Variants in POU6F2 observed in about 807,000 individuals in gnomAD.
POU6F2 encodes POU class 6 homeobox 2.
A neutral mutation model predicts 71.3 loss-of-function variants in POU6F2; 31 were observed. The ratio of observed to expected loss-of-function variants is 0.43; its 90% CI spans 0.33 to 0.59. The LOEUF (loss-of-function observed/expected upper bound fraction) is 0.59. Among genes scored for constraint, POU6F2 ranks in the 20% least tolerant of loss-of-function variants. The probability of loss-of-function intolerance (pLI) is 0.04; values close to 1 mark genes in which losing one functional copy is unlikely to be tolerated. For missense variants in POU6F2, 783 were observed against 856.8 expected (o/e 0.91, Z 1.07); for synonymous variants, 347 against 355.7 (o/e 0.98, Z 0.27).
intron 5 of POU6F2, among the ~76,000 whole-genome samples, chr7:39,340,852 G>A (rs1785903075): frequency 7.0e-6 from 1 of 143,130 alleles, no homozygotes; most frequent in African/African-American, 2.6e-5. Context: ...TGACTGTGAT[G>A]TCATCATATC....
intron 2 of POU6F2, among the ~76,000 whole-genome samples, chr7:39,122,645 G>A (rs1792064282): frequency 6.6e-6 from 1 of 150,636 alleles, no homozygotes; most frequent in Non-Finnish European, 1.5e-5. Context: ...CTGCTTACCT[G>A]CTTGCTTATT....
intron 2 of POU6F2, among the ~76,000 whole-genome samples, chr7:39,160,817 C>G (rs1792979420): frequency 6.6e-6 from 1 of 152,020 alleles, no homozygotes; most frequent in Non-Finnish European, 1.5e-5. Context: ...AAAGGAGTGC[C>G]CACGTGTTAT....
At chr7:39,003,146 A>T (rs1411919900) in intron 1 of POU6F2, among the ~76,000 whole-genome samples, 1 of 152,230 alleles carries the variant, frequency 6.6e-6, no homozygotes. Flanking sequence ...ATACAGAAAG[A>T]TGAGATGCAT....
intron 2 of POU6F2, among the ~76,000 whole-genome samples, chr7:39,122,430 T>C (rs1197999929): frequency 6.6e-6 from 1 of 152,236 alleles, no homozygotes; most frequent in East Asian, 1.9e-4. Context: ...AATGGGCATG[T>C]TCATAGGCCA....
At position 39,373,999 on chromosome 7, in the gene POU6F2, T is replaced by C. The variant is rs949655058; in HGVS notation, c.973-32601T>C. On this transcript the variant is annotated intron_variant, in intron 5 of 9. Transcript: ENST00000518318. ...TGAACTTGGACTATAAAAATATCACTTCTTATTGATCACATGGTTATTAAA... is the reference window on the plus strand; with the variant it reads ...TGAACTTGGACTATAAAAATATCACCTCTTATTGATCACATGGTTATTAAA... Among the ~76,000 whole-genome samples the C allele has an allele frequency of 6.6e-5, 10 of 152,344 alleles. No homozygotes were observed. The East Asian group carries it at 1.7e-3, about 26-fold the overall frequency.
intron 2 of POU6F2, among the ~76,000 whole-genome samples, chr7:39,124,478 C>T (rs950242609): frequency 2.6e-5 from 4 of 152,228 alleles, no homozygotes; most frequent in African/African-American, 9.6e-5. Flanking sequence ...ACTTCCCAGA[C>T]GGTGGGAAGA....
In POU6F2 at chr7:39,264,834, G is replaced by A. The variant is rs577466259; in HGVS notation, c.598+57214G>A. On this transcript the variant is annotated intron_variant, in intron 4 of 9. Coordinates refer to ENST00000518318, the MANE Select transcript of POU6F2 (RefSeq NM_001370959.1). ...CACATATGTATGTGTGTGTGGAGAC[G>A]GCTAATATATATACTCCCTGCATAC... 2.3e-3 allele frequency among the ~76,000 whole-genome samples: 352 copies of A among 152,072 alleles called. 1 individual carries two copies. The highest frequency in any genetic ancestry group is 8.2e-3 in the African/African-American group (338 of 41,450).
chr7:39,191,570 A>T (rs2128743288), intron 2 of POU6F2, among the ~76,000 whole-genome samples: 1 of 152,352 alleles, frequency 6.6e-6, no homozygotes, highest in African/African-American at 2.4e-5. Flanking sequence ...TTGATATAAC[A>T]AATGGAAATT....
At chr7:38,991,634 C>T (rs1788605641) in intron 1 of POU6F2, among the ~76,000 whole-genome samples, 1 of 152,148 alleles carries the variant, frequency 6.6e-6, no homozygotes, top group Non-Finnish European at 1.5e-5. Flanking sequence ...AACCTGAGCC[C>T]AGGGGAACAG....
At chr7:39,142,037 A>G (rs1164133994) in intron 2 of POU6F2, among the ~76,000 whole-genome samples, 1 of 152,120 alleles carries the variant, frequency 6.6e-6, no homozygotes, top group Non-Finnish European at 1.5e-5. Context: ...CAGTGAGCGG[A>G]GATCGTGCCA....
chr7:39,223,915 G>A (rs988601410), intron 4 of POU6F2, among the ~76,000 whole-genome samples: 8 of 152,162 alleles, frequency 5.3e-5, no homozygotes, highest in Admixed American at 2.0e-4. Flanking sequence ...CTTCACTTGA[G>A]CACTTCTATC....
chr7:39,269,540 T>G (rs979055021), intron 4 of POU6F2, among the ~76,000 whole-genome samples: 1 of 152,232 alleles, frequency 6.6e-6, no homozygotes, highest in African/African-American at 2.4e-5. Flanking sequence ...GCTAAGCTAT[T>G]CCCTTTAATT....
chr7:39,009,098 G>A lies in POU6F2; in HGVS notation c.105+31040G>A, dbSNP rs1031103148. 6.0e-4 allele frequency among the ~76,000 whole-genome samples: 91 copies of A among 151,818 alleles called. 1 individual carries two copies. Among genetic ancestry groups the A allele is most frequent in the Admixed American group, 1.3e-3 (20 of 15,246 alleles). ...GCTTGATGGGGATGGCATTGAATCT[G>A]TAAATTACCTTGGGCAGTATGGTCA... On this transcript the variant is annotated intron_variant, in intron 1 of 9. Coordinates refer to ENST00000518318, the MANE Select transcript of POU6F2 (RefSeq NM_001370959.1).
At chr7:39,325,169 T>C (rs566608480) in intron 4 of POU6F2, among the ~76,000 whole-genome samples, 16 of 152,316 alleles carry the variant, frequency 1.1e-4, no homozygotes, top group African/African-American at 3.8e-4. Flanking sequence ...ATTACAAATC[T>C]GGCAAAGGTA....
In POU6F2 at chr7:39,027,531, T is replaced by C. The variant is rs552368542; in HGVS notation, c.105+49473T>C. 2.2e-3 allele frequency among the ~76,000 whole-genome samples: 342 copies of C among 152,280 alleles called. 3 individuals carry two copies. Among genetic ancestry groups the C allele is most frequent in the African/African-American group, 7.7e-3 (319 of 41,558 alleles). ...AGGGCTGTTCCCTTTTGGTCCAAGG[T>C]CCTCCAATTCCAATCAGAGCAGCTC... On this transcript the variant is annotated intron_variant, in intron 1 of 9. Coordinates refer to ENST00000518318, the MANE Select transcript of POU6F2 (RefSeq NM_001370959.1).
chr7:39,207,997 G>A (rs571851845), intron 4 of POU6F2, among the ~76,000 whole-genome samples: 1 of 152,280 alleles, frequency 6.6e-6, no homozygotes, highest in South Asian at 2.1e-4. Flanking sequence ...AAAGTTAGAG[G>A]TTGCTTTTTT....
At chr7:39,194,995 G>A (rs963568278) in intron 2 of POU6F2, among the ~76,000 whole-genome samples, 4 of 152,150 alleles carry the variant, frequency 2.6e-5, no homozygotes, top group African/African-American at 7.2e-5. Context: ...TTTAAGAACT[G>A]TAACACTCAC....
intron 5 of POU6F2, among the ~76,000 whole-genome samples, chr7:39,374,878 T>A (rs938970659): frequency 6.6e-6 from 1 of 152,204 alleles, no homozygotes; most frequent in Non-Finnish European, 1.5e-5. Flanking sequence ...TCACAGTTGA[T>A]TAGGTTCACA....
At chr7:39,295,860 C>T (rs1248549014) in intron 4 of POU6F2, among the ~76,000 whole-genome samples, 1 of 152,158 alleles carries the variant, frequency 6.6e-6, no homozygotes, top group Non-Finnish European at 1.5e-5. Flanking sequence ...TTCATATCAA[C>T]AACATGTACC....
Sources: allele counts gnomAD v4.1 joint callset (sites outside exome capture counted in the v4.1 genomes callset), GRCh38; gene constraint gnomAD v4.1.1; transcripts MANE v1.5; gene names NCBI Gene and HGNC (gene_info 2026-07-23, HGNC 2026-07-21).